PDE3B: variants seen among roughly 807,000 people sequenced by gnomAD.
PDE3B encodes phosphodiesterase 3B, also known as cGMP-inhibited 3',5'-cyclic phosphodiesterase 3B.
A neutral mutation model predicts 116.8 loss-of-function variants in PDE3B; 66 were observed. The ratio of observed to expected loss-of-function variants is 0.56; its 90% CI spans 0.46 to 0.69. The LOEUF (loss-of-function observed/expected upper bound fraction) is 0.69. Ranked by LOEUF, PDE3B falls within the 30% of genes least tolerant of loss-of-function variation. The pLI is 0.00. For synonymous variants in PDE3B, 595 were observed against 533.6 expected, an observed-to-expected ratio of 1.12 and a Z score of -1.59; for missense variants, 1,384 against 1,368.1, an observed-to-expected ratio of 1.01 and a Z score of -0.18.
the PDE3B span, chr11:14,880,023 G>A: frequency 8.2e-6 from 8 of 973,952 alleles, no homozygotes; most frequent in South Asian, 3.2e-5. Context: ...TCTATACTTG[G>A]CTGGCATCGC....
chr11:14,687,319 T>G (rs754465867), intron 1 of PDE3B, among the ~76,000 whole-genome samples: 5 of 152,178 alleles, frequency 3.3e-5, no homozygotes, highest in Non-Finnish European at 7.3e-5. Context: ...TAAAAACATT[T>G]ATGGTAAATT....
chr11:14,670,876 A>AT (rs967592201), intron 1 of PDE3B, among the ~76,000 whole-genome samples: 111 of 145,496 alleles, frequency 7.6e-4, no homozygotes, highest in Non-Finnish European at 7.0e-4. Flanking sequence ...GATACGTATA[A>AT]TTTTTTTTTT....
At chr11:14,657,214 A>G (rs1179223725) in intron 1 of PDE3B, among the ~76,000 whole-genome samples, 1 of 152,200 alleles carries the variant, frequency 6.6e-6, no homozygotes, top group Non-Finnish European at 1.5e-5. Context: ...GTCTTTACCC[A>G]TAATTCTTCC....
intron 2 of PDE3B, among the ~76,000 whole-genome samples, chr11:14,782,692 A>G (rs1279161252): frequency 1.3e-5 from 2 of 152,248 alleles, no homozygotes; most frequent in Non-Finnish European, 2.9e-5. Flanking sequence ...TTCAAGACAT[A>G]GGCATGGGCA....
the PDE3B span, among the ~76,000 whole-genome samples, chr11:14,889,442 T>C: frequency 6.6e-6 from 1 of 152,244 alleles, no homozygotes; most frequent in Non-Finnish European, 1.5e-5. Context: ...AGAGTTAATA[T>C]GTTTGGTGGT....
chr11:14,890,256 T>G, the PDE3B span, among the ~76,000 whole-genome samples: 1 of 151,978 alleles, frequency 6.6e-6, no homozygotes, highest in East Asian at 1.9e-4. Context: ...TCAAGTTTTG[T>G]CTGGCAGAAG....
In PDE3B at chr11:14,644,957, G is replaced by C; in HGVS notation, c.882G>C (p.Arg294Ser). Reference sequence around the variant, plus strand: ...TGCCTGTGATCCGACCCCGGAGGAGGTCCAGCTGCGTGTCGTTAGGAGAAA... The same window carrying C: ...TGCCTGTGATCCGACCCCGGAGGAGCTCCAGCTGCGTGTCGTTAGGAGAAA... ...EKVPVIRPRR[R>S]SSCVSLGETA... Residue 294 changes from arginine (R) to serine (S), a missense_variant, in exon 1 of 16, where the codon AGG becomes AGC. By Grantham distance (110) the Arg-to-Ser change is moderately radical. This residue lies in a region of PDE3B where 956 missense variants were observed against 806.8 expected (regional missense o/e 1.18). Transcript: ENST00000282096. 6.2e-7 allele frequency: 1 copy of C among 1,614,070 alleles called. No individual in the cohort carries two copies. The highest frequency in any genetic ancestry group is 2.2e-5 in the East Asian group (1 of 44,876).
the PDE3B span, among the ~76,000 whole-genome samples, chr11:14,888,230 G>A: frequency 1.3e-5 from 2 of 152,060 alleles, no homozygotes; most frequent in Non-Finnish European, 1.5e-5. Flanking sequence ...TATATTGTCT[G>A]TCTTCCCCCA....
At chr11:14,797,591 T>C (rs1243569381) in intron 4 of PDE3B, among the ~76,000 whole-genome samples, 1 of 152,090 alleles carries the variant, frequency 6.6e-6, no homozygotes, top group Admixed American at 6.6e-5. Flanking sequence ...TTGTTTGTCC[T>C]CTCTTATTTC....
intron 1 of PDE3B, among the ~76,000 whole-genome samples, chr11:14,723,482 A>G (rs555960942): frequency 1.3e-5 from 2 of 152,294 alleles, no homozygotes; most frequent in Admixed American, 1.3e-4. Flanking sequence ...GTCCAGGCAC[A>G]GTGGCTCATG....
At chr11:14,761,822 A>G (rs1006354417) in intron 1 of PDE3B, among the ~76,000 whole-genome samples, 6 of 152,196 alleles carry the variant, frequency 3.9e-5, no homozygotes, top group Admixed American at 6.6e-5. Flanking sequence ...AAACTGGACT[A>G]ATTTCTATCT....
Position 14,644,130 on chromosome 11 carries a change from G to A in PDE3B, c.55G>A (p.Gly19Arg). ...KAMRSLQPPDGAGSPPESLRN... is the reference protein window; with the variant it reads ...KAMRSLQPPDRAGSPPESLRN... Reference sequence around the variant, plus strand: ...CATGCGGTCCCTGCAGCCGCCGGATGGGGCCGGCTCGCCCCCCGAGAGTCT... The same window carrying A: ...CATGCGGTCCCTGCAGCCGCCGGATAGGGCCGGCTCGCCCCCCGAGAGTCT... Residue 19 changes from glycine to arginine, a missense_variant, in exon 1 of 16, where the codon GGG (glycine) becomes AGG (arginine). This residue lies in a region of PDE3B where 956 missense variants were observed against 806.8 expected (regional missense o/e 1.18). Transcript: ENST00000282096. The A allele has an allele frequency of 3.8e-6, 6 of 1,585,916 alleles. No individual in the cohort carries two copies. The highest frequency in any genetic ancestry group is 5.1e-6 in the Non-Finnish European group (6 of 1,174,500).
At chr11:14,880,601 AGTCAAAAG>A in the PDE3B span, 1 of 1,612,880 alleles carries the variant, frequency 6.2e-7, no homozygotes, top group Non-Finnish European at 8.5e-7. Flanking sequence ...AACTGTTTAA[AGTCAAAAG>A]GTCTACCTTT....
intron 9 of PDE3B, 49 bp downstream of exon 9, chr11:14,831,826 A>ATC (rs746117104): frequency 2.1e-6 from 3 of 1,435,704 alleles, no homozygotes; most frequent in Admixed American, 4.0e-5. Flanking sequence ...TTTTTCTTAA[A>ATC]TCTTTATAAA....
chr11:14,685,189 G>C (rs986702448), intron 1 of PDE3B, among the ~76,000 whole-genome samples: 1 of 151,992 alleles, frequency 6.6e-6, no homozygotes, highest in African/African-American at 2.4e-5. Flanking sequence ...TATTAATTTT[G>C]GGAACTGATA....
At chr11:14,891,765 T>A in the PDE3B span, 3 of 1,379,494 alleles carry the variant, frequency 2.2e-6, no homozygotes, top group Admixed American at 3.3e-5. Context: ...CCGGAGTGGG[T>A]CACCGGCAGG....
intron 13 of PDE3B, among the ~76,000 whole-genome samples, chr11:14,860,010 G>A (rs1847917657): frequency 6.6e-6 from 1 of 152,154 alleles, no homozygotes; most frequent in Non-Finnish European, 1.5e-5. Flanking sequence ...GCAGGGTAGA[G>A]AAACTGGTAA....
At chr11:14,880,369 AAAT>A in the PDE3B span, 1 of 1,613,424 alleles carries the variant, frequency 6.2e-7, no homozygotes, top group South Asian at 1.1e-5. Flanking sequence ...TCTGGAGAGA[AAAT>A]CATAGACTAC....
At chr11:14,884,587 C>G in the PDE3B span, among the ~76,000 whole-genome samples, 2 of 150,692 alleles carry the variant, frequency 1.3e-5, no homozygotes, top group African/African-American at 4.9e-5. Context: ...TGCTAAATGA[C>G]GAGTTAATGG....
Sources: allele counts gnomAD v4.1 joint callset (sites outside exome capture counted in the v4.1 genomes callset), GRCh38; gene constraint gnomAD v4.1.1; regional missense constraint gnomAD v4.1.1; transcripts MANE v1.5; gene names NCBI Gene and HGNC (gene_info 2026-07-23, HGNC 2026-07-21).